MYRIP: variants seen among roughly 807,000 people sequenced by gnomAD.
MYRIP encodes the protein myosin VIIA and Rab interacting protein, also known as rab effector MyRIP.
Under a neutral mutation model 98.0 loss-of-function variants are expected in MYRIP, and 49 were observed. That is an observed-to-expected ratio of 0.50 (90% CI 0.40 to 0.63). The LOEUF (loss-of-function observed/expected upper bound fraction) is 0.63. Among genes scored for constraint, MYRIP ranks in the 30% least tolerant of loss-of-function variants. MYRIP has a pLI of 0.00. For synonymous variants in MYRIP, 404 were observed against 409.5 expected (o/e 0.99, Z 0.16); for missense variants, 1,004 against 1,058.2 (o/e 0.95, Z 0.71).
intron 1 of MYRIP, among the ~76,000 whole-genome samples, chr3:39,894,410 A>G (rs1240229548): frequency 6.6e-6 from 1 of 152,338 alleles, no homozygotes; most frequent in East Asian, 1.9e-4. Context: ...ACTTTGCTCA[A>G]TACAATATAC....
intron 1 of MYRIP, among the ~76,000 whole-genome samples, chr3:39,889,230 G>T (rs1364480231): frequency 6.6e-6 from 1 of 151,652 alleles, no homozygotes; most frequent in South Asian, 2.1e-4. Context: ...ACATGCACAC[G>T]TATGTTTATT....
At position 39,811,677 on chromosome 3, in the gene MYRIP, G is replaced by T. The variant is rs536369004; in HGVS notation, c.-31+1761G>T. Among the ~76,000 whole-genome samples, 53 of 151,782 alleles carry T rather than the reference G, an allele frequency of 3.5e-4. 1 individual carries two copies. The highest frequency in any genetic ancestry group is 1.3e-3 in the African/African-American group (52 of 41,346). On this transcript the variant is annotated intron_variant, in intron 1 of 16. Transcript: ENST00000302541. ...GAGAGTGGGGGGAGGCTGTGTGTGT[G>T]TGTGTTGTCTCTGAGGAGTCAAAGT...
intron 2 of MYRIP, among the ~76,000 whole-genome samples, chr3:39,995,106 CTG>C (rs1946307048): frequency 6.6e-6 from 1 of 152,170 alleles, no homozygotes; most frequent in Non-Finnish European, 1.5e-5. Context: ...AGCAGAAAAA[CTG>C]GAAACTCTAA....
At chr3:40,119,397 T>C (rs1469513956) in intron 3 of MYRIP, among the ~76,000 whole-genome samples, 1 of 152,208 alleles carries the variant, frequency 6.6e-6, no homozygotes, top group Non-Finnish European at 1.5e-5. Context: ...TAGAGAAGTA[T>C]GTAATGGCAT....
At chr3:40,106,421 G>C (rs1043543404) in intron 3 of MYRIP, among the ~76,000 whole-genome samples, 1 of 151,940 alleles carries the variant, frequency 6.6e-6, no homozygotes, top group African/African-American at 2.4e-5. Context: ...CTTTTGAATA[G>C]TCAGAGAATT....
chr3:39,958,631 T>C (rs1175206440), intron 2 of MYRIP, among the ~76,000 whole-genome samples: 2 of 152,222 alleles, frequency 1.3e-5, no homozygotes, highest in Non-Finnish European at 2.9e-5. Context: ...AAGGACTTCA[T>C]GTCTAAAACA....
At chr3:40,199,006 T>G (rs929118067) in intron 10 of MYRIP, among the ~76,000 whole-genome samples, 6 of 152,138 alleles carry the variant, frequency 3.9e-5, no homozygotes, top group Non-Finnish European at 8.8e-5. Flanking sequence ...GTAATGATAG[T>G]TCACAAAATT....
chr3:39,848,368 A>T (rs1169500901), intron 1 of MYRIP, among the ~76,000 whole-genome samples: 5 of 152,256 alleles, frequency 3.3e-5, no homozygotes, highest in African/African-American at 1.2e-4. Context: ...TACTTCAATC[A>T]TTTATCAAAA....
rs998215487 is a variant in MYRIP, at chr3:39,933,410, C to A, written c.110+32484C>A. 2.4e-4 allele frequency among the ~76,000 whole-genome samples: 37 copies of A among 152,300 alleles called. No homozygotes were observed. In the Middle Eastern group the frequency reaches 0.01, roughly 42 times the overall value. Reference sequence around the variant, plus strand: ...AATCACAAAATCACTCAAAATATTTCTTTGCTAAATCACATTTCAAAAGTT... The same window carrying A: ...AATCACAAAATCACTCAAAATATTTATTTGCTAAATCACATTTCAAAAGTT... On this transcript the variant is annotated intron_variant, in intron 2 of 16. Coordinates refer to ENST00000302541, the MANE Select transcript of MYRIP (RefSeq NM_015460.4).
chr3:40,005,948 G>A (rs1167722501), intron 2 of MYRIP, among the ~76,000 whole-genome samples: 1 of 152,162 alleles, frequency 6.6e-6, no homozygotes, highest in Non-Finnish European at 1.5e-5. Context: ...AATTTGACCT[G>A]ATAGACAAGG....
chr3:40,091,717 T>C (rs1948740262), intron 3 of MYRIP, among the ~76,000 whole-genome samples: 1 of 152,186 alleles, frequency 6.6e-6, no homozygotes. Context: ...GCATTTTGCT[T>C]GTCACTTCTA....
intron 1 of MYRIP, among the ~76,000 whole-genome samples, chr3:39,880,038 T>C (rs954127048): frequency 1.3e-5 from 2 of 151,842 alleles, no homozygotes; most frequent in Admixed American, 1.3e-4. Flanking sequence ...GGTTCCCCTT[T>C]TTATTATTAT....
intron 3 of MYRIP, among the ~76,000 whole-genome samples, chr3:40,054,923 C>T (rs1053816771): frequency 6.6e-6 from 1 of 152,156 alleles, no homozygotes; most frequent in Non-Finnish European, 1.5e-5. Context: ...TATTAACTCA[C>T]TATAGATTCA....
chr3:39,830,757 T>G (rs73072873), intron 1 of MYRIP, among the ~76,000 whole-genome samples: 1 of 152,296 alleles, frequency 6.6e-6, no homozygotes, highest in Non-Finnish European at 1.5e-5. Context: ...TTTTCTTTTC[T>G]TGGAAAAACT....
At chr3:39,869,413 A>G (rs913863744) in intron 1 of MYRIP, among the ~76,000 whole-genome samples, 6 of 151,868 alleles carry the variant, frequency 4.0e-5, no homozygotes, top group Non-Finnish European at 8.8e-5. Flanking sequence ...GTTTTTTTTC[A>G]TAATTTCTAT....
At chr3:40,057,600 C>T (rs1015090086) in intron 3 of MYRIP, among the ~76,000 whole-genome samples, 12 of 152,164 alleles carry the variant, frequency 7.9e-5, no homozygotes, top group Non-Finnish European at 1.0e-4. Context: ...ACCCCTGTCC[C>T]AGAACTCATA....
intron 2 of MYRIP, among the ~76,000 whole-genome samples, chr3:40,014,684 G>T (rs1946823521): frequency 6.6e-6 from 1 of 152,138 alleles, no homozygotes; most frequent in South Asian, 2.1e-4. Context: ...TATCTCTCTG[G>T]AAAGGTCTTA....
At chr3:40,050,524 G>GAGC (rs1947771770) in intron 3 of MYRIP, among the ~76,000 whole-genome samples, 1 of 151,994 alleles carries the variant, frequency 6.6e-6, no homozygotes, top group Non-Finnish European at 1.5e-5. Flanking sequence ...GATCACCTGG[G>GAGC]AGCTCTGATG....
At chr3:40,198,511 C>T (rs1951463169) in intron 10 of MYRIP, among the ~76,000 whole-genome samples, 1 of 152,158 alleles carries the variant, frequency 6.6e-6, no homozygotes, top group Non-Finnish European at 1.5e-5. Flanking sequence ...AACAAACAGA[C>T]TTCGATTGCC....
Sources: gnomAD v4.1 joint callset for allele counts (sites outside exome capture counted in the v4.1 genomes callset) on GRCh38, gnomAD v4.1.1 for gene constraint, MANE v1.5 for transcripts, NCBI Gene and HGNC (gene_info 2026-07-23, HGNC 2026-07-21) for gene names.